GBP7: variants seen among roughly 807,000 people sequenced by gnomAD.
GBP7 encodes the protein guanylate-binding protein 7.
A neutral mutation model predicts 61.3 loss-of-function variants in GBP7; 43 were observed. That is an observed-to-expected ratio of 0.70 (90% CI 0.55 to 0.91). GBP7 has a LOEUF of 0.91. Among genes scored for constraint, GBP7 ranks in the 40% least tolerant of loss-of-function variants. GBP7 has a pLI of 0.00. For missense variants in GBP7, 717 were observed against 740.5 expected (o/e 0.97, Z 0.37); for synonymous variants, 267 against 271.0 (o/e 0.99, Z 0.14).
intron 9 of GBP7, among the ~76,000 whole-genome samples, chr1:89,139,783 C>T (rs1283153069): frequency 6.6e-6 from 1 of 152,166 alleles, no homozygotes; most frequent in Non-Finnish European, 1.5e-5. Context: ...ATTAAAAAGT[C>T]AGGAAACAAC....
At chr1:89,137,628 C>T (rs1412682629) in intron 9 of GBP7, among the ~76,000 whole-genome samples, 1 of 152,008 alleles carries the variant, frequency 6.6e-6, no homozygotes, top group Non-Finnish European at 1.5e-5. Context: ...TCTCAACAAA[C>T]TGGGCCTCAA....
At chr1:89,166,715 T>A (rs1570361611) in intron 2 of GBP7, among the ~76,000 whole-genome samples, 1 of 152,202 alleles carries the variant, frequency 6.6e-6, no homozygotes, top group Admixed American at 6.5e-5. Flanking sequence ...GGAACTTCCA[T>A]TGAAGATGTT....
In GBP7 at chr1:89,168,548, C is replaced by A. The variant is rs143097732; in HGVS notation, c.190+3198G>T. Among the ~76,000 whole-genome samples, 1,497 of 152,224 alleles carry A rather than the reference C, an allele frequency of 9.8e-3. 14 individuals are homozygous for A. Among genetic ancestry groups the A allele is most frequent in the East Asian group, 0.027 (138 of 5,176 alleles). ...CTGCTTGGAGCATGTATTTTTCCAC[C>A]AGCTCTAGCTAAAATATAAACACCT... is the stretch of plus-strand genomic sequence containing the variant. On this transcript the variant is annotated intron_variant, in intron 2 of 10. Coordinates refer to ENST00000294671, the MANE Select transcript of GBP7 (RefSeq NM_207398.3).
At chr1:89,159,845 G>A (rs1356147756) in intron 3 of GBP7, among the ~76,000 whole-genome samples, 1 of 152,150 alleles carries the variant, frequency 6.6e-6, no homozygotes, top group Non-Finnish European at 1.5e-5. Context: ...ATTTAACCCA[G>A]CCATCCTATT....
chr1:89,148,976 A>C (rs1171384243), intron 7 of GBP7, among the ~76,000 whole-genome samples: 2 of 152,208 alleles, frequency 1.3e-5, no homozygotes, highest in Non-Finnish European at 2.9e-5. Flanking sequence ...TATTAACTCA[A>C]ATATTTGTCA....
intron 5 of GBP7, 138 bp from the exon 6 acceptor site, chr1:89,150,713 T>A (rs552600739): frequency 1.2e-6 from 1 of 861,736 alleles, no homozygotes; most frequent in East Asian, 2.5e-5. Context: ...AAACCTCTCA[T>A]GCAACCAAAC....
chr1:89,158,476 A>C (rs540931323), intron 3 of GBP7, among the ~76,000 whole-genome samples: 2 of 152,346 alleles, frequency 1.3e-5, no homozygotes, highest in African/African-American at 4.8e-5. Context: ...GTCTCAGCCC[A>C]AAATCTCCTT....
chr1:89,159,824 C>G (rs912657592), intron 3 of GBP7, among the ~76,000 whole-genome samples: 17 of 152,166 alleles, frequency 1.1e-4, no homozygotes, highest in Admixed American at 4.6e-4. Context: ...GGATCTACAA[C>G]TAGAAATACC....
intron 9 of GBP7, 141 bp from the exon 10 acceptor site, chr1:89,133,592 G>A (rs1233804867): frequency 7.6e-6 from 5 of 659,486 alleles, no homozygotes; most frequent in Admixed American, 2.9e-5. Flanking sequence ...CTCCAAGCAG[G>A]ACTTCAGAAG....
At chr1:89,138,458 AAAAAC>A (rs889671012) in intron 9 of GBP7, among the ~76,000 whole-genome samples, 10 of 152,052 alleles carry the variant, frequency 6.6e-5, no homozygotes, top group African/African-American at 1.7e-4. Flanking sequence ...GTGCTGGTCA[AAAAAC>A]AAAACAAAAC....
intron 8 of GBP7, among the ~76,000 whole-genome samples, chr1:89,143,403 A>G (rs1182117862): frequency 6.6e-6 from 1 of 152,222 alleles, no homozygotes; most frequent in African/African-American, 2.4e-5. Flanking sequence ...TCCAAGGAGG[A>G]TTACAAGTAG....
At chr1:89,172,415 G>A (rs1413635289) in intron 1 of GBP7, among the ~76,000 whole-genome samples, 8 of 152,198 alleles carry the variant, frequency 5.3e-5, no homozygotes, top group Admixed American at 2.6e-4. Flanking sequence ...TTCGTTATTC[G>A]TTCTTTGTCT....
At chr1:89,168,999 A>T (rs990140544) in intron 2 of GBP7, among the ~76,000 whole-genome samples, 2 of 151,564 alleles carry the variant, frequency 1.3e-5, no homozygotes, top group South Asian at 4.2e-4. Context: ...AAACAAAAAA[A>T]CTCCTGTGGA....
chr1:89,134,616 A>G (rs1681754851), intron 9 of GBP7, among the ~76,000 whole-genome samples: 1 of 152,074 alleles, frequency 6.6e-6, no homozygotes, highest in East Asian at 1.9e-4. Flanking sequence ...AAAAAAAAAA[A>G]AAAACCCAGT....
chr1:89,131,960 TCTTC>T lies in GBP7; in HGVS notation c.*185_*188del. 2.3e-6 allele frequency: 1 copy of T among 441,174 alleles called. No homozygotes were observed. The highest frequency in any genetic ancestry group is 3.5e-5 in the East Asian group (1 of 28,784). The allele number at this position is 441,174 out of a possible 1,614,324, so 27.3% of individuals were successfully genotyped here. ...TAAATCTTTTCTAGGAATAATTTTA[TCTTC>T]TAACTTGTTCCCCATTTCTATTAAT... On this transcript the variant is annotated 3_prime_UTR_variant, in exon 11 of 11. Transcript: ENST00000294671.
intron 8 of GBP7, among the ~76,000 whole-genome samples, chr1:89,146,361 G>C (rs1461908004): frequency 6.6e-6 from 1 of 152,106 alleles, no homozygotes. Flanking sequence ...CTTGACACTG[G>C]TCTTGGCAAT....
chr1:89,157,020 C>G (rs1415479560), intron 3 of GBP7, among the ~76,000 whole-genome samples: 1 of 152,160 alleles, frequency 6.6e-6, no homozygotes, highest in Non-Finnish European at 1.5e-5. Context: ...GACCACAGTG[C>G]AATCAAACTA....
chr1:89,158,311 G>T (rs756529852), intron 3 of GBP7, among the ~76,000 whole-genome samples: 1 of 146,340 alleles, frequency 6.8e-6, no homozygotes, highest in Non-Finnish European at 1.5e-5. Context: ...AAGACGGGAT[G>T]CCCTCTCTCA....
intron 4 of GBP7, 89 bp from the exon 5 acceptor site, chr1:89,152,553 A>G (rs1275482139): frequency 1.3e-6 from 2 of 1,501,114 alleles, no homozygotes; most frequent in Admixed American, 3.5e-5. Context: ...TCCCTTTTGC[A>G]CTGTTTCTCT....
Sources: allele counts gnomAD v4.1 joint callset (sites outside exome capture counted in the v4.1 genomes callset), GRCh38; gene constraint gnomAD v4.1.1; transcripts MANE v1.5; gene names NCBI Gene and HGNC (gene_info 2026-07-23, HGNC 2026-07-21).